The following CADM2 variants were observed in gnomAD, a reference collection of about 807,000 sequenced individuals.
CADM2 encodes cell adhesion molecule 2.
CADM2 carries 12 observed loss-of-function variants against 49.8 expected under a neutral mutation model. The ratio of observed to expected loss-of-function variants is 0.24; its 90% confidence interval spans 0.15 to 0.39. The LOEUF is 0.39. CADM2 is among the 10% of genes least tolerant of loss of function. The probability of loss-of-function intolerance (pLI) is 1.00; values close to 1 mark genes in which losing one functional copy is unlikely to be tolerated. For synonymous variants in CADM2, 214 were observed against 175.4 expected (o/e 1.22, Z -1.74); for missense variants, 378 against 492.3 (o/e 0.77, Z 2.20).
chr3:85,131,307 A>G (rs2039220231), intron 1 of CADM2, among the ~76,000 whole-genome samples: 1 of 152,270 alleles, frequency 6.6e-6, no homozygotes, highest in Admixed American at 6.5e-5. Context: ...AACAAGATAA[A>G]GTGATTGACA....
rs536650917 is a variant in CADM2 at position 85,341,541 on chromosome 3, A to G, written c.61+381873A>G. 8.5e-5 allele frequency among the ~76,000 whole-genome samples: 13 copies of G among 152,142 alleles called. 1 individual carries two copies. The East Asian group carries it at 2.5e-3, about 29-fold the overall frequency. On this transcript the variant is annotated intron_variant, in intron 1 of 9. Transcript: ENST00000383699. Reference sequence around the variant, plus strand: ...CACATATAGTTAAAATGAGTTATATAGATCATATACATAATATCTAAGATA... The same window carrying G: ...CACATATAGTTAAAATGAGTTATATGGATCATATACATAATATCTAAGATA...
chr3:85,843,831 C>T (rs1463016816), intron 3 of CADM2, among the ~76,000 whole-genome samples: 1 of 151,508 alleles, frequency 6.6e-6, no homozygotes, highest in Non-Finnish European at 1.5e-5. Flanking sequence ...TCCAAATAGA[C>T]TTGAGCAAGA....
intron 2 of CADM2, among the ~76,000 whole-genome samples, chr3:85,766,149 T>C (rs1374377214): frequency 2.6e-5 from 4 of 152,098 alleles, no homozygotes; most frequent in Non-Finnish European, 5.9e-5. Flanking sequence ...ACAAGGGCAA[T>C]GCCTGTATTA....
At chr3:85,619,838 C>T (rs982015505) in intron 1 of CADM2, among the ~76,000 whole-genome samples, 1 of 152,154 alleles carries the variant, frequency 6.6e-6, no homozygotes, top group Non-Finnish European at 1.5e-5. Flanking sequence ...CAGTGCATAA[C>T]TTAAAATCAA....
intron 1 of CADM2, among the ~76,000 whole-genome samples, chr3:85,373,905 A>AT (rs888269382): frequency 6.6e-6 from 1 of 151,538 alleles, no homozygotes; most frequent in Non-Finnish European, 1.5e-5. Flanking sequence ...CATGAAACCC[A>AT]TTTTTTTTCC....
chr3:86,010,646 G>A (rs1731382399), intron 8 of CADM2, among the ~76,000 whole-genome samples: 1 of 149,814 alleles, frequency 6.7e-6, no homozygotes, highest in Non-Finnish European at 1.5e-5. Context: ...AATATTGAAA[G>A]AAAGAAACAA....
intron 1 of CADM2, among the ~76,000 whole-genome samples, chr3:84,982,702 C>CATATATCTATATAT (rs2032260215): frequency 1.3e-5 from 1 of 76,330 alleles, no homozygotes. Context: ...AACTATAAAG[C>CATATATCTATATAT]ATATATATAT....
At chr3:85,030,340 C>T (rs979806282) in intron 1 of CADM2, among the ~76,000 whole-genome samples, 2 of 152,176 alleles carry the variant, frequency 1.3e-5, no homozygotes, top group Non-Finnish European at 2.9e-5. Flanking sequence ...CTCTGTTATT[C>T]TCAACCTTCA....
chr3:86,060,907 G>A (rs1436121244), intron 8 of CADM2, among the ~76,000 whole-genome samples: 1 of 152,000 alleles, frequency 6.6e-6, no homozygotes, highest in East Asian at 1.9e-4. Flanking sequence ...ATCTGAACCC[G>A]GGAGGTGGAG....
chr3:85,941,358 C>G (rs1212224879), intron 7 of CADM2, among the ~76,000 whole-genome samples: 1 of 152,004 alleles, frequency 6.6e-6, no homozygotes, highest in Non-Finnish European at 1.5e-5. Flanking sequence ...TCCAAGATTT[C>G]AAGCAAAATA....
At chr3:85,967,935 A>G (rs1725666337) in intron 8 of CADM2, among the ~76,000 whole-genome samples, 1 of 151,634 alleles carries the variant, frequency 6.6e-6, no homozygotes. Flanking sequence ...TCACATGGAA[A>G]CAGACCTACC....
chr3:85,565,295 G>T (rs1191406078), intron 1 of CADM2, among the ~76,000 whole-genome samples: 4 of 151,990 alleles, frequency 2.6e-5, no homozygotes, highest in African/African-American at 4.8e-5. Flanking sequence ...TCTCTAAGAA[G>T]GTTTTAGAGT....
chr3:85,007,138 G>GA (rs1262489150), intron 1 of CADM2, among the ~76,000 whole-genome samples: 2 of 151,948 alleles, frequency 1.3e-5, no homozygotes, highest in Non-Finnish European at 2.9e-5. Flanking sequence ...AAGAAATAAG[G>GA]AAAAATATTG....
intron 1 of CADM2, among the ~76,000 whole-genome samples, chr3:85,041,021 A>G (rs1023788178): frequency 2.0e-5 from 3 of 152,172 alleles, no homozygotes; most frequent in African/African-American, 7.2e-5. Flanking sequence ...ATTAAATATC[A>G]GTTTGGACCC....
At chr3:85,086,817 C>T (rs1231980299) in intron 1 of CADM2, among the ~76,000 whole-genome samples, 2 of 152,056 alleles carry the variant, frequency 1.3e-5, no homozygotes, top group African/African-American at 4.8e-5. Context: ...CCAGAATAAA[C>T]TTTGTAAACA....
intron 1 of CADM2, among the ~76,000 whole-genome samples, chr3:85,034,185 T>C (rs997583923): frequency 6.6e-6 from 1 of 152,194 alleles, no homozygotes; most frequent in Non-Finnish European, 1.5e-5. Context: ...TTGTCTACTG[T>C]GTCACCCTGT....
chr3:85,765,922 T>C (rs2069632730), intron 2 of CADM2, among the ~76,000 whole-genome samples: 1 of 152,100 alleles, frequency 6.6e-6, no homozygotes, highest in South Asian at 2.1e-4. Context: ...TCACATTTGA[T>C]TCCACTTTCT....
chr3:85,478,351 A>G (rs959362815), intron 1 of CADM2, among the ~76,000 whole-genome samples: 8 of 152,038 alleles, frequency 5.3e-5, no homozygotes, highest in Non-Finnish European at 8.8e-5. Context: ...CTGACCTGAT[A>G]TGGAAAAATA....
chr3:85,765,489 C>T (rs1316301925), intron 2 of CADM2, among the ~76,000 whole-genome samples: 1 of 151,992 alleles, frequency 6.6e-6, no homozygotes, highest in East Asian at 1.9e-4. Context: ...TCCAATCTAT[C>T]ATATATGTCA....
Sources: gnomAD v4.1 joint callset for allele counts (sites outside exome capture counted in the v4.1 genomes callset) on GRCh38, gnomAD v4.1.1 for gene constraint, MANE v1.5 for transcripts, NCBI Gene and HGNC (gene_info 2026-07-23, HGNC 2026-07-21) for gene names.